MIPOL1: variants seen among roughly 807,000 people sequenced by gnomAD.
The protein encoded by MIPOL1 is mirror-image polydactyly gene 1 protein.
Under a neutral mutation model 60.9 loss-of-function variants are expected in MIPOL1, and 57 were observed. The observed-to-expected ratio is 0.94, with a 90% CI of 0.76 to 1.17. MIPOL1 has a LOEUF of 1.17. MIPOL1 is among the 50% of genes most tolerant of loss of function. The pLI is 0.00. For synonymous variants in MIPOL1, 179 were observed against 168.8 expected (o/e 1.06, Z -0.47); for missense variants, 551 against 511.6 (o/e 1.08, Z -0.74).
chr14:37,413,430 C>T (rs1160480246), intron 10 of MIPOL1, among the ~76,000 whole-genome samples: 10 of 152,094 alleles, frequency 6.6e-5, no homozygotes, highest in South Asian at 2.1e-4. Flanking sequence ...TGAGCAATGG[C>T]CAGTTTAATC....
At chr14:37,427,814 A>G (rs929887070) in intron 11 of MIPOL1, among the ~76,000 whole-genome samples, 5 of 152,204 alleles carry the variant, frequency 3.3e-5, no homozygotes, top group Non-Finnish European at 7.4e-5. Context: ...ACAAATCTGT[A>G]TGTGAAACAC....
chr14:37,389,027 C>A (rs2093158317), intron 10 of MIPOL1, among the ~76,000 whole-genome samples: 1 of 152,006 alleles, frequency 6.6e-6, no homozygotes, highest in Non-Finnish European at 1.5e-5. Context: ...GTCTTTTAAA[C>A]TTGAATTGGA....
intron 12 of MIPOL1, chr14:37,505,916 A>C (rs950161455): frequency 3.3e-5 from 5 of 152,014 alleles, no homozygotes; most frequent in African/African-American, 1.2e-4. Flanking sequence ...GTCTCAGGAT[A>C]TAAAATCAAT....
intron 3 of MIPOL1, among the ~76,000 whole-genome samples, chr14:37,251,211 T>A (rs1005053369): frequency 1.3e-5 from 2 of 151,800 alleles, no homozygotes. Context: ...CAGGCATGAG[T>A]CACTGTATCT....
rs543711363 is a variant in MIPOL1 at position 37,550,896 on chromosome 14, A to G, written c.*3925A>G. ...TCTTGTGCTTGCTTCGGCAGCATAT[A>G]TACTGAAATTAGAAAAAGAAAACTT... On this transcript the variant is annotated 3_prime_UTR_variant, in exon 13 of 13. Coordinates refer to ENST00000684589, the MANE Select transcript of MIPOL1 (RefSeq NM_001388067.1). 2.0e-5 allele frequency: 3 copies of G among 152,260 alleles called. No individual in the cohort carries two copies. The highest frequency in any genetic ancestry group is 2.9e-5 in the Non-Finnish European group (2 of 67,984). The allele number at this position is 152,260 out of a possible 1,614,324, so 9.4% of individuals were successfully genotyped here.
rs916270593 is a variant in MIPOL1, at chr14:37,213,553, T to G, written c.-199+15449T>G. On this transcript the variant is annotated intron_variant, in intron 1 of 12. Coordinates refer to ENST00000684589, the MANE Select transcript of MIPOL1 (RefSeq NM_001388067.1). ...AAAAGAAAAAAGAATAAAAAAACAA[T>G]GAAGCATGCCTACAGGATCCAGAAA... Among the ~76,000 whole-genome samples the G allele has an allele frequency of 2.8e-4, 43 of 151,844 alleles. 1 individual carries two copies. Among genetic ancestry groups the G allele is most frequent in the Admixed American group, 1.8e-3 (27 of 15,250 alleles).
chr14:37,482,707 G>A (rs1024743796), intron 11 of MIPOL1, among the ~76,000 whole-genome samples: 4 of 152,064 alleles, frequency 2.6e-5, no homozygotes, highest in East Asian at 3.9e-4. Flanking sequence ...TTCCTCCCTC[G>A]ACACCTGAAT....
At chr14:37,349,786 G>C (rs949622981) in intron 9 of MIPOL1, among the ~76,000 whole-genome samples, 1 of 151,950 alleles carries the variant, frequency 6.6e-6, no homozygotes, top group African/African-American at 2.4e-5. Flanking sequence ...TCCCCAACTA[G>C]AATGTGAACT....
chr14:37,537,650 A>G (rs1219496936), intron 12 of MIPOL1, among the ~76,000 whole-genome samples: 1 of 152,214 alleles, frequency 6.6e-6, no homozygotes, highest in Non-Finnish European at 1.5e-5. Context: ...TTAATAAGGC[A>G]AAATGCATGA....
intron 12 of MIPOL1, among the ~76,000 whole-genome samples, chr14:37,527,881 A>G (rs969131550): frequency 1.2e-4 from 18 of 152,178 alleles, no homozygotes; most frequent in Admixed American, 3.3e-4. Flanking sequence ...ACACAGCTGC[A>G]TGTAGTTTTT....
chr14:37,382,658 T>C lies in MIPOL1; in HGVS notation c.936+13034T>C, dbSNP rs2092955801. Among the ~76,000 whole-genome samples the C allele has an allele frequency of 2.0e-5, 3 of 152,148 alleles. No individual in the cohort carries two copies. In the South Asian group the frequency reaches 6.2e-4, roughly 32 times the overall value. ...CAGACTGACATAGATATGTCCTCTA[T>C]AACAAAATGACTTTATTGTGTTGTT... On this transcript the variant is annotated intron_variant, in intron 10 of 12. Transcript: ENST00000684589.
At chr14:37,530,459 A>G (rs1284308363) in intron 12 of MIPOL1, among the ~76,000 whole-genome samples, 3 of 152,244 alleles carry the variant, frequency 2.0e-5, no homozygotes, top group Non-Finnish European at 1.5e-5. Context: ...TGGGAATAAT[A>G]GAAATACCCA....
intron 1 of MIPOL1, among the ~76,000 whole-genome samples, chr14:37,235,100 C>A: frequency 6.6e-6 from 1 of 151,994 alleles, no homozygotes; most frequent in South Asian, 2.1e-4. Flanking sequence ...CAGCTGAATT[C>A]TTAAAGCCTA....
rs111311444 is a variant in MIPOL1 at position 37,536,894 on chromosome 14, G to A, written c.1263-10011G>A. On this transcript the variant is annotated intron_variant, in intron 12 of 12. Transcript: ENST00000684589. ...AGTATCCCCTTGTGTTTGGGATAGT[G>A]GGGGTTGGTAGTGGAAACAATGTGT... is the stretch of plus-strand genomic sequence containing the variant. Among the ~76,000 whole-genome samples the A allele has an allele frequency of 9.8e-3, 1,489 of 152,210 alleles. 28 individuals carry two copies. Among genetic ancestry groups the A allele is most frequent in the African/African-American group, 0.034 (1,395 of 41,524 alleles).
At chr14:37,293,591 A>G (rs1209984708) in intron 7 of MIPOL1, among the ~76,000 whole-genome samples, 1 of 152,148 alleles carries the variant, frequency 6.6e-6, no homozygotes, top group Non-Finnish European at 1.5e-5. Context: ...GCACCTGGAA[A>G]ATCGGATCAC....
intron 11 of MIPOL1, among the ~76,000 whole-genome samples, chr14:37,469,169 TA>T (rs747244948): frequency 3.9e-5 from 6 of 152,088 alleles, no homozygotes; most frequent in East Asian, 1.9e-4. Flanking sequence ...GGGTAATTTA[TA>T]AAAAAAGGAG....
At chr14:37,360,012 G>C (rs1029581873) in intron 9 of MIPOL1, among the ~76,000 whole-genome samples, 2 of 152,092 alleles carry the variant, frequency 1.3e-5, no homozygotes, top group African/African-American at 4.8e-5. Context: ...CTAGTTCATT[G>C]TGAGTTTTTA....
At chr14:37,273,953 A>T (rs991116201) in intron 6 of MIPOL1, among the ~76,000 whole-genome samples, 2 of 151,522 alleles carry the variant, frequency 1.3e-5, no homozygotes, top group South Asian at 2.1e-4. Context: ...CTTTGATGTC[A>T]TCATTTCCAG....
At chr14:37,260,490 ATGT>A (rs765530544) in intron 3 of MIPOL1, among the ~76,000 whole-genome samples, 1 of 152,132 alleles carries the variant, frequency 6.6e-6, no homozygotes, top group African/African-American at 2.4e-5. Flanking sequence ...TGCTAATGTA[ATGT>A]TGTTGAACAC....
Sources: gnomAD v4.1 joint callset for allele counts (sites outside exome capture counted in the v4.1 genomes callset) on GRCh38, gnomAD v4.1.1 for gene constraint, MANE v1.5 for transcripts, NCBI Gene and HGNC (gene_info 2026-07-23, HGNC 2026-07-21) for gene names.